The following KMT2D variants were observed in gnomAD, a reference collection of about 807,000 sequenced individuals.
KMT2D encodes the protein lysine methyltransferase 2D.
Under a neutral mutation model 512.7 loss-of-function variants are expected in KMT2D, and 55 were observed. The observed-to-expected ratio is 0.11, with a 90% confidence interval of 0.09 to 0.13. The LOEUF is 0.13. Among genes scored for constraint, KMT2D ranks in the 10% least tolerant of loss-of-function variants. The pLI, the probability that KMT2D is intolerant of heterozygous loss-of-function variation, is 1.00. For synonymous variants in KMT2D, 2,995 were observed against 2,904.0 expected (o/e 1.03, Z -1.01); for missense variants, 6,061 against 7,127.9 (o/e 0.85, Z 5.39).
Position 49,021,684 on chromosome 12 carries a change from G to A in KMT2D, c.*96C>T. The A allele has an allele frequency of 9.2e-7, 1 of 1,091,972 alleles. No individual in the cohort carries two copies. The highest frequency in any genetic ancestry group is 2.4e-5 in the East Asian group (1 of 41,060). The allele number at this position is 1,091,972 out of a possible 1,614,324, so 67.6% of individuals were successfully genotyped here. On this transcript the variant is annotated 3_prime_UTR_variant, in exon 55 of 55. Coordinates refer to ENST00000301067, the MANE Select transcript of KMT2D (RefSeq NM_003482.4). ...GGTCAGCCGGCAGCCCCAACCCTGGGTCCTGGCTCTGGCTGCTACCTCTCT... is the reference window on the plus strand; with the variant it reads ...GGTCAGCCGGCAGCCCCAACCCTGGATCCTGGCTCTGGCTGCTACCTCTCT...
In KMT2D at chr12:49,019,266, A is replaced by C; in HGVS notation, c.*2514T>G. ...ACTTGTCAGCGATTTATTTTTTAAA[A>C]AGGGGGAGGGTCCTGGAGGTGAGGG... is the stretch of plus-strand genomic sequence containing the variant. On this transcript the variant is annotated 3_prime_UTR_variant, in exon 55 of 55. Transcript: ENST00000301067. The C allele has an allele frequency of 2.9e-6, 2 of 697,960 alleles. No individual in the cohort carries two copies. The highest frequency in any genetic ancestry group is 1.8e-6 in the Non-Finnish European group (1 of 548,942). 43.2% of individuals were successfully genotyped at this position (697,960 alleles called of 1,614,324 possible). A position where few individuals can be genotyped will look rare whatever the true frequency, so the allele number is the denominator to read the frequency against.
rs1471675059 is a variant in KMT2D, at chr12:49,032,942, T to C, written c.11763A>G (p.Gln3921=). 7 of 1,550,336 alleles carry C rather than the reference T, an allele frequency of 4.5e-6. No individual in the cohort carries two copies. In the African/African-American group the frequency reaches 5.5e-5, roughly 12 times the overall value. The change falls in exon 40 of 55, where the codon CAA becomes CAG. Residue 3921 remains glutamine (Q), a synonymous_variant. Coordinates refer to ENST00000301067, the MANE Select transcript of KMT2D (RefSeq NM_003482.4). The part of the protein sequence containing the change: ...QLQQQQQQQL[Q]QQQQLQQQQL... ...GTTGCTGCTGAAGTTGCTGTTGCTG[T>C]TGTAGCTGCTGCTGCTGCTGCTGCT...
In KMT2D at chr12:49,049,159, A is replaced by G. The variant is rs2120631264; in HGVS notation, c.3966T>C (p.Arg1322=). 1 of 1,612,082 alleles carries G rather than the reference A, an allele frequency of 6.2e-7. No homozygotes were observed. The highest frequency in any genetic ancestry group is 8.5e-7 in the Non-Finnish European group (1 of 1,179,022). Residue 1322 remains arginine, a synonymous_variant, in exon 13 of 55, where the codon CGT becomes CGC. Transcript: ENST00000301067. ...ACTTTAGCCGGGCCCGTCCTCTACC[A>G]CGTCCTCCATGGGCTCCTCCACGAG... ...RRPRGGAHGG[R]GRGRARLKST...
In KMT2D at chr12:49,054,491, C is replaced by T. The variant is rs756964187; in HGVS notation, c.400+37G>A. ...GGATTGCTGGCTCAGGACTACCCAG[C>T]CCTTATCCCATTTCCTGCCCCATTC... On this transcript the variant is annotated intron_variant, in intron 4 of 54. Coordinates refer to ENST00000301067, the MANE Select transcript of KMT2D (RefSeq NM_003482.4). The surrounding 1 kb of genome is among the most constrained non-coding windows in gnomAD (Gnocchi z 6.4). 6.3e-7 allele frequency: 1 copy of T among 1,585,256 alleles called. No individual in the cohort carries two copies. The highest frequency in any genetic ancestry group is 1.1e-5 in the South Asian group (1 of 87,796).
In KMT2D at chr12:49,044,714, C is replaced by T. The variant is rs1230130927; in HGVS notation, c.4963+30G>A. 2 of 1,601,068 alleles carry T rather than the reference C, an allele frequency of 1.2e-6. No individual in the cohort carries two copies. Among genetic ancestry groups the T allele is most frequent in the Non-Finnish European group, 1.7e-6 (2 of 1,169,462 alleles). On this transcript the variant is annotated intron_variant, in intron 20 of 54. Coordinates refer to ENST00000301067, the MANE Select transcript of KMT2D (RefSeq NM_003482.4). The surrounding 1 kb of genome is among the most constrained non-coding windows in gnomAD (Gnocchi z 6.4). ...CTCCCAGAGTCACGCTCCCCCTACT[C>T]TGCCGCTCCCTAAGATTCCCCAAGC...
Position 49,060,384 on chromosome 12 carries a change from G to A in KMT2D, c.-809C>T, listed in dbSNP as rs1938678325. Reference sequence around the variant, plus strand: ...CTGCGCTCGCCTCCCTTCCCCTCTGGCCTCGGGAGCTGCCCCGCCCCCGGC... The same window carrying A: ...CTGCGCTCGCCTCCCTTCCCCTCTGACCTCGGGAGCTGCCCCGCCCCCGGC... On this transcript the variant is annotated 5_prime_UTR_variant, in exon 1 of 55. Coordinates refer to ENST00000301067, the MANE Select transcript of KMT2D (RefSeq NM_003482.4). Among the ~76,000 whole-genome samples the A allele has an allele frequency of 6.6e-6, 1 of 151,910 alleles. No homozygotes were observed. The highest frequency in any genetic ancestry group is 2.1e-4 in the South Asian group (1 of 4,822).
rs769781264 is a variant in KMT2D, at chr12:49,041,173, A to G, written c.6597T>C (p.Tyr2199=). 3 of 1,518,936 alleles carry G rather than the reference A, an allele frequency of 2.0e-6. No homozygotes were observed. The highest frequency in any genetic ancestry group is 2.6e-6 in the Non-Finnish European group (3 of 1,136,506). The allele number at this position is 1,518,936 out of a possible 1,614,324, so 94.1% of individuals were successfully genotyped here. ...FPTAPPTYPP[Y]PSPTGAPAQP... ...GCGCAGGGGCCCCCGTAGGACTAGGATAGGGGGGATAGGTGGGCGGTGCCG... is the reference window on the plus strand; with the variant it reads ...GCGCAGGGGCCCCCGTAGGACTAGGGTAGGGGGGATAGGTGGGCGGTGCCG... Residue 2199 remains tyrosine, a synonymous_variant, in exon 32 of 55, where the codon TAT becomes TAC. Coordinates refer to ENST00000301067, the MANE Select transcript of KMT2D (RefSeq NM_003482.4). This position sits in a 1 kb window ranked among gnomAD's most constrained non-coding sequence, Gnocchi z 5.4.
In KMT2D at chr12:49,044,153, T is replaced by C. The variant is rs781142642; in HGVS notation, c.5188+47A>G. 1 of 1,597,414 alleles carries C rather than the reference T, an allele frequency of 6.3e-7. No individual in the cohort carries two copies. The highest frequency in any genetic ancestry group is 8.5e-7 in the Non-Finnish European group (1 of 1,170,544). On this transcript the variant is annotated intron_variant, in intron 22 of 54. Coordinates refer to ENST00000301067, the MANE Select transcript of KMT2D (RefSeq NM_003482.4). The surrounding 1 kb of genome is among the most constrained non-coding windows in gnomAD (Gnocchi z 6.4). ...GTCCACCCCCTGGGTCTCTCTAGCA[T>C]TGCCCCACCTTCTCCCAGGCCCCAC...
rs368323505 is a variant in KMT2D, at chr12:49,051,304, C to T, written c.2379G>A (p.Glu793=). ...CAGGCTGAGGGGACAGATGTGGTCCCTCAGCCTGGGGGGACAAGTGTGGCT... is the reference window on the plus strand; with the variant it reads ...CAGGCTGAGGGGACAGATGTGGTCCTTCAGCCTGGGGGGACAAGTGTGGCT... The part of the protein sequence containing the change: ...PEEPHLSPQA[E]GPHLSPQPEE... Residue 793 remains glutamate (E), a synonymous_variant, in exon 11 of 55, where the codon GAG becomes GAA. Transcript: ENST00000301067. 13 of 1,579,712 alleles carry T rather than the reference C, an allele frequency of 8.2e-6. No individual in the cohort carries two copies. The African/African-American group carries it at 1.8e-4, about 21-fold the overall frequency.
In KMT2D at chr12:49,051,726, G is replaced by A; in HGVS notation, c.1957C>T (p.Leu653=). 2 of 1,574,464 alleles carry A rather than the reference G, an allele frequency of 1.3e-6. No individual in the cohort carries two copies. The highest frequency in any genetic ancestry group is 1.7e-4 in the Middle Eastern group (1 of 5,932). ...CGTGACACCACAGGCAGGGGGGATAGGCGCGATACCTCAGGTGGGGGGGAC... is the reference window on the plus strand; with the variant it reads ...CGTGACACCACAGGCAGGGGGGATAAGCGCGATACCTCAGGTGGGGGGGAC... ...PMSPPPEVSR[L]SPLPVVSRLS... The change falls in exon 11 of 55, where the codon CTA becomes TTA. Residue 653 remains leucine, a synonymous_variant. Coordinates refer to ENST00000301067, the MANE Select transcript of KMT2D (RefSeq NM_003482.4).
At position 49,039,975 on chromosome 12, in the gene KMT2D, C is replaced by A. The variant is rs398123760; in HGVS notation, c.7795G>T (p.Gly2599Trp). 1 of 1,613,754 alleles carries A rather than the reference C, an allele frequency of 6.2e-7. No homozygotes were observed. The highest frequency in any genetic ancestry group is 8.5e-7 in the Non-Finnish European group (1 of 1,179,802). Residue 2599 changes from glycine to tryptophan, a missense_variant, in exon 32 of 55, where the codon GGG becomes TGG. Physicochemically the swap from Gly to Trp is radical, Grantham distance 184 (BLOSUM62 -2). Transcript: ENST00000301067. This position sits in a 1 kb window ranked among gnomAD's most constrained non-coding sequence, Gnocchi z 5.0. ...AGCCCATAGCTCTCCCCTGTGGACC[C>A]GCTGCTGGGCCCCAGGGGGCTGCCC... ...PSGSPLGPSS[G>W]STGESYGLSP...
rs752226331 is a variant in KMT2D, at chr12:49,031,753, T to C, written c.12952A>G (p.Lys4318Glu). Residue 4318 changes from lysine (K) to glutamate (E), a missense_variant, in exon 40 of 55, where the codon AAG (lysine) becomes GAG (glutamate). By Grantham distance (56) the Lys-to-Glu change is moderately conservative (BLOSUM62 1). This residue lies in a region of KMT2D where 1,600 missense variants were observed against 1,754.9 expected (regional missense o/e 0.91). Coordinates refer to ENST00000301067, the MANE Select transcript of KMT2D (RefSeq NM_003482.4). The part of the protein sequence containing the change: ...TPPPSSPQEP[K>E]RPSQLPSPSS... The stretch of plus-strand genomic sequence containing the variant: ...GGGGAAGGTAATTGTGAAGGTCTCT[T>C]TGGCTCTTGAGGGCTGGATGGTGGA... 1.9e-6 allele frequency: 3 copies of C among 1,612,914 alleles called. No individual in the cohort carries two copies. Among genetic ancestry groups the C allele is most frequent in the East Asian group, 2.2e-5 (1 of 44,840 alleles).
chr12:49,051,294 G>A lies in KMT2D; in HGVS notation c.2389C>T (p.Leu797=), dbSNP rs1057518680. ...TGCAATTCCTCAGGCTGAGGGGACA[G>A]ATGTGGTCCCTCAGCCTGGGGGGAC... is the stretch of plus-strand genomic sequence containing the variant. ...HLSPQAEGPH[L]SPQPEELHLS... The change falls in exon 11 of 55, where the codon CTG becomes TTG. Residue 797 remains leucine (L), a synonymous_variant. Coordinates refer to ENST00000301067, the MANE Select transcript of KMT2D (RefSeq NM_003482.4). 1 of 1,576,024 alleles carries A rather than the reference G, an allele frequency of 6.3e-7. No individual in the cohort carries two copies. The highest frequency in any genetic ancestry group is 8.6e-7 in the Non-Finnish European group (1 of 1,158,580).
chr12:49,022,826 A>C lies in KMT2D; in HGVS notation c.16102T>G (p.Phe5368Val). The change falls in exon 52 of 55, where the codon TTC (phenylalanine) becomes GTC (valine). Residue 5368 changes from phenylalanine (F) to valine (V), a missense_variant. Phe to Val is a conservative substitution (Grantham distance 50). Coordinates refer to ENST00000301067, the MANE Select transcript of KMT2D (RefSeq NM_003482.4). The surrounding 1 kb of genome is among the most constrained non-coding windows in gnomAD (Gnocchi z 8.6). ...TAGGGGGTGTTGGTCTCGCCTGTGA[A>C]GGTGCTCTGATATGCCTTAGACATG... ...TSMSKAYQST[F>V]TGETNTPYSK... 6.2e-7 allele frequency: 1 copy of C among 1,613,222 alleles called. No homozygotes were observed. The highest frequency in any genetic ancestry group is 8.5e-7 in the Non-Finnish European group (1 of 1,179,486).
intron 24 of KMT2D, 98 bp from the exon 25 acceptor site, chr12:49,043,526 C>T (rs751689541): frequency 1.3e-6 from 2 of 1,589,118 alleles, no homozygotes; most frequent in Non-Finnish European, 1.7e-6. Flanking sequence ...GACCCTTGAC[C>T]CCACCCTTGA....
chr12:49,031,290 A>G lies in KMT2D; in HGVS notation c.13415T>C (p.Val4472Ala), dbSNP rs768387349. 1.2e-5 allele frequency: 20 copies of G among 1,613,418 alleles called. No individual in the cohort carries two copies. The highest frequency in any genetic ancestry group is 1.7e-5 in the Non-Finnish European group (20 of 1,179,906). Residue 4472 changes from valine (V) to alanine (A), a missense_variant, in exon 40 of 55, where the codon GTG becomes GCG. Physicochemically the swap from Val to Ala is moderately conservative, Grantham distance 64. Transcript: ENST00000301067. Reference protein sequence around the residue: ...LLQKLLRAKNVQLSTGRGSEG... With the variant: ...LLQKLLRAKNAQLSTGRGSEG... ...GGACCCCCGCCCAGTGCTGAGTTGC[A>G]CATTCTTTGCCCGGAGTAGCTTCTG...
chr12:49,031,625 A>G lies in KMT2D; in HGVS notation c.13080T>C (p.Pro4360=). 1 of 1,602,064 alleles carries G rather than the reference A, an allele frequency of 6.2e-7. No homozygotes were observed. The highest frequency in any genetic ancestry group is 8.5e-7 in the Non-Finnish European group (1 of 1,174,434). ...TLEPPPGRVS[P]AAAQLADTLF... Reference sequence around the variant, plus strand: ...AGGTATCTGCAAGCTGGGCAGCAGCAGGTGAGACCCTCCCAGGAGGCGGCT... The same window carrying G: ...AGGTATCTGCAAGCTGGGCAGCAGCGGGTGAGACCCTCCCAGGAGGCGGCT... The change falls in exon 40 of 55, where the codon CCT becomes CCC. Residue 4360 remains proline (P), a synonymous_variant. Transcript: ENST00000301067.
chr12:49,044,362 G>T lies in KMT2D; in HGVS notation c.5083+41C>A. 6.2e-7 allele frequency: 1 copy of T among 1,613,132 alleles called. No individual in the cohort carries two copies. The highest frequency in any genetic ancestry group is 1.3e-5 in the African/African-American group (1 of 74,978). ...GCTGGGGGACCTATTGAGCTGCCCC[G>T]CACCACCCCACCACCCCACAACCCC... is the stretch of plus-strand genomic sequence containing the variant. On this transcript the variant is annotated intron_variant, in intron 21 of 54. Transcript: ENST00000301067. The surrounding 1 kb of genome is among the most constrained non-coding windows in gnomAD (Gnocchi z 6.4).
rs1938700994 is a variant in KMT2D, at chr12:49,060,671, G to T, written c.-1096C>A. ...TATTTCCTGGCCCAAGAGCTGGGCAGCGGTCGTGAAGATTCGTGAAGCCTT... is the reference window on the plus strand; with the variant it reads ...TATTTCCTGGCCCAAGAGCTGGGCATCGGTCGTGAAGATTCGTGAAGCCTT... On this transcript the variant is annotated 5_prime_UTR_variant, in exon 1 of 55. In the 5' UTR this introduces an upstream ATG that the reference lacks. Transcript: ENST00000301067. Among the ~76,000 whole-genome samples, 1 of 152,246 alleles carries T rather than the reference G, an allele frequency of 6.6e-6. No homozygotes were observed. Among genetic ancestry groups the T allele is most frequent in the African/African-American group, 2.4e-5 (1 of 41,472 alleles).
Sources: gnomAD v4.1 joint callset for allele counts (sites outside exome capture counted in the v4.1 genomes callset) on GRCh38, gnomAD v4.1.1 for gene constraint, gnomAD v4.1.1 regional missense constraint, Gnocchi (gnomAD v3.1) non-coding constraint, MANE v1.5 for transcripts, NCBI Gene and HGNC (gene_info 2026-07-23, HGNC 2026-07-21) for gene names.